Variants in SLC22A13 observed in about 807,000 individuals in gnomAD.
The protein encoded by SLC22A13 is solute carrier family 22 member 13.
SLC22A13 carries 42 observed loss-of-function variants against 49.1 expected under a neutral mutation model. That is an observed-to-expected ratio of 0.85 (90% CI 0.67 to 1.11). SLC22A13 has a LOEUF of 1.11. Among genes scored for constraint, SLC22A13 ranks in the 50% least tolerant of loss-of-function variants. The pLI is 0.00. For synonymous variants in SLC22A13, 282 were observed against 293.1 expected, an observed-to-expected ratio of 0.96 and a Z score of 0.39; for missense variants, 694 against 712.8, an observed-to-expected ratio of 0.97 and a Z score of 0.30.
rs1330106449 is a variant in SLC22A13 at position 38,278,697 on chromosome 3, G to A, written c.*1232G>A. ...TAGCCCTATATGGTGGTGCATGCCT[G>A]TAATCCCAGCTACTTGGGAGGCTGA... On this transcript the variant is annotated 3_prime_UTR_variant, in exon 10 of 10. Transcript: ENST00000311856. Among the ~76,000 whole-genome samples, 1 of 151,872 alleles carries A rather than the reference G, an allele frequency of 6.6e-6. No homozygotes were observed. Among genetic ancestry groups the A allele is most frequent in the Non-Finnish European group, 1.5e-5 (1 of 67,976 alleles).
Position 38,275,494 on chromosome 3 carries a change from C to T in SLC22A13, c.927+4C>T. 1 of 1,614,238 alleles carries T rather than the reference C, an allele frequency of 6.2e-7. No individual in the cohort carries two copies. On this transcript the variant is annotated splice_donor_region_variant and intron_variant, in intron 5 of 9. Transcript: ENST00000311856. ...CTCCCCGGAGCTCATGAACCAGGTA[C>T]TTCCAGCAGGCCCAGGCCCAGGCCC...
Position 38,277,201 on chromosome 3 carries a change from C to T in SLC22A13, c.1562+74C>T, listed in dbSNP as rs927963473. The T allele has an allele frequency of 5.8e-6, 7 of 1,210,456 alleles. No homozygotes were observed. The African/African-American group carries it at 7.5e-5, about 13-fold the overall frequency. The allele number at this position is 1,210,456 out of a possible 1,614,324, so 75.0% of individuals were successfully genotyped here. A position where few individuals can be genotyped will look rare whatever the true frequency, so the allele number is the denominator to read the frequency against. On this transcript the variant is annotated intron_variant, in intron 9 of 9. Coordinates refer to ENST00000311856, the MANE Select transcript of SLC22A13 (RefSeq NM_004256.4). ...CACGCACTCTATATGCCCAGGCCTC[C>T]ACCTCATCACTCGTCCACTGTTGCC...
At chr3:38,271,619 C>T (rs1288484343) in intron 1 of SLC22A13, among the ~76,000 whole-genome samples, 1 of 149,168 alleles carries the variant, frequency 6.7e-6, no homozygotes, top group Non-Finnish European at 1.5e-5. Flanking sequence ...GGAAGACCAT[C>T]AATGAATAGC....
At chr3:38,273,336 T>C (rs1703542000) in intron 1 of SLC22A13, among the ~76,000 whole-genome samples, 1 of 152,218 alleles carries the variant, frequency 6.6e-6, no homozygotes, top group African/African-American at 2.4e-5. Flanking sequence ...ATTAGCATTC[T>C]CTGTGTCTCT....
rs1703577132 is a variant in SLC22A13 at position 38,275,916 on chromosome 3, C to T, written c.1057C>T (p.Leu353Phe). ...VDSLGYYGLS[L>F]QVGDFGLDVY... ...CAGTCTGGGGTACTACGGCCTGAGC[C>T]TCCAAGTGGGGGACTTCGGCCTGGA... The change falls in exon 7 of 10, where the codon CTC becomes TTC. Residue 353 changes from leucine (L) to phenylalanine (F), a missense_variant. By Grantham distance (22) the Leu-to-Phe change is conservative (BLOSUM62 0). Coordinates refer to ENST00000311856, the MANE Select transcript of SLC22A13 (RefSeq NM_004256.4). 6.2e-7 allele frequency: 1 copy of T among 1,614,110 alleles called. No individual in the cohort carries two copies. The highest frequency in any genetic ancestry group is 1.3e-5 in the African/African-American group (1 of 74,934).
At chr3:38,275,346 G>A (rs956663539) in intron 4 of SLC22A13, 24 bp from the exon 5 acceptor site, 5 of 1,613,898 alleles carry the variant, frequency 3.1e-6, no homozygotes, top group Admixed American at 1.7e-5. Context: ...AGGCCCCAAG[G>A]TCATAGCCGT....
At chr3:38,276,504 G>A (rs958542452) in intron 8 of SLC22A13, 109 bp downstream of exon 8, 2 of 778,882 alleles carry the variant, frequency 2.6e-6, no homozygotes, top group African/African-American at 3.4e-5. Context: ...CTGGCTCTGG[G>A]GCAGCAGTGC....
In SLC22A13 at chr3:38,275,226, C is replaced by T. The variant is rs897678644; in HGVS notation, c.806+69C>T. The stretch of plus-strand genomic sequence containing the variant: ...GTGTTGTGGTGGGGTTGCAGTGCAG[C>T]ACCCATGTTCATAGGACAGTCAGAG... On this transcript the variant is annotated intron_variant, in intron 4 of 9. Transcript: ENST00000311856. 15 of 1,593,592 alleles carry T rather than the reference C, an allele frequency of 9.4e-6. No homozygotes were observed. The African/African-American group carries it at 1.6e-4, about 17-fold the overall frequency.
In SLC22A13 at chr3:38,275,488, C is replaced by G. The variant is rs756738214; in HGVS notation, c.925C>G (p.Gln309Glu). Residue 309 changes from glutamine (Q) to glutamate (E), a missense_variant and splice_region_variant, in exon 5 of 10, where the codon CAG becomes GAG. By Grantham distance (29) the Gln-to-Glu change is conservative. Coordinates refer to ENST00000311856, the MANE Select transcript of SLC22A13 (RefSeq NM_004256.4). ...GAAACTCTCCCCGGAGCTCATGAAC[C>G]AGGTACTTCCAGCAGGCCCAGGCCC... The part of the protein sequence containing the change: ...RRKLSPELMN[Q>E]LVPEKTGPSG... 161 of 1,614,114 alleles carry G rather than the reference C, an allele frequency of 1.0e-4. No homozygotes were observed. The highest frequency in any genetic ancestry group is 1.3e-4 in the Non-Finnish European group (152 of 1,180,036).
At position 38,274,736 on chromosome 3, in the gene SLC22A13, TA is replaced by T. The variant is rs1448449887; in HGVS notation, c.616del (p.Ser206AlafsTer8). On this transcript the variant is annotated frameshift_variant, in exon 3 of 10. Transcript: ENST00000311856. LOFTEE classifies it high-confidence loss of function. ...FAVATAVAGL[S>X]FSNVTLLTEW... Reference sequence around the variant, plus strand: ...CTGTGGCTACTGCCGTCGCTGGACTTAGCTTCAGCAATGTCACCCTACGTGA... The same window carrying T: ...CTGTGGCTACTGCCGTCGCTGGACTTGCTTCAGCAATGTCACCCTACGTGA... 1.2e-6 allele frequency: 2 copies of T among 1,613,958 alleles called. No individual in the cohort carries two copies. The highest frequency in any genetic ancestry group is 2.7e-5 in the African/African-American group (2 of 74,938).
intron 2 of SLC22A13, 49 bp from the exon 3 acceptor site, chr3:38,274,555 G>C (rs1361085502): frequency 6.3e-7 from 1 of 1,594,888 alleles, no homozygotes; most frequent in East Asian, 2.2e-5. Flanking sequence ...CTTCTCCTCA[G>C]ATGCCTTCCG....
At chr3:38,277,330 C>A in intron 9 of SLC22A13, 42 bp from the exon 10 acceptor site, 2 of 1,477,582 alleles carry the variant, frequency 1.4e-6, no homozygotes, top group Non-Finnish European at 1.9e-6. Flanking sequence ...TGTCATGGGA[C>A]CAATTCCTGG....
At chr3:38,275,704 A>T (rs748512677) in intron 6 of SLC22A13, 32 bp downstream of exon 6, 1 of 1,600,354 alleles carries the variant, frequency 6.2e-7, no homozygotes, top group Non-Finnish European at 8.5e-7. Context: ...ACAGAACCAC[A>T]GGGCTGCAGC....
chr3:38,266,166 C>G lies in SLC22A13; in HGVS notation c.306C>G (p.Arg102=). 2 of 1,614,234 alleles carry G rather than the reference C, an allele frequency of 1.2e-6. No individual in the cohort carries two copies. The highest frequency in any genetic ancestry group is 1.7e-6 in the Non-Finnish European group (2 of 1,180,046). The change falls in exon 1 of 10, where the codon CGC becomes CGG. Residue 102 remains arginine, a synonymous_variant. Coordinates refer to ENST00000311856, the MANE Select transcript of SLC22A13 (RefSeq NM_004256.4). ...GCCTGCAGGACATCCTCAGCCACCG[C>G]TTCAATGAGACGCAGCCTTGTGATA... is the stretch of plus-strand genomic sequence containing the variant. ...NASLQDILSH[R]FNETQPCDMG...
intron 8 of SLC22A13, among the ~76,000 whole-genome samples, chr3:38,276,621 G>A (rs2125864422): frequency 6.6e-6 from 1 of 152,328 alleles, no homozygotes; most frequent in African/African-American, 2.4e-5. Context: ...GTCAGGACAG[G>A]AATATGGGAC....
chr3:38,269,644 C>T (rs981319807), intron 1 of SLC22A13, among the ~76,000 whole-genome samples: 4 of 152,196 alleles, frequency 2.6e-5, no homozygotes, highest in Admixed American at 2.6e-4. Flanking sequence ...GAGAGATGTT[C>T]ACAGCAGCAC....
intron 3 of SLC22A13, 27 bp from the exon 4 acceptor site, chr3:38,274,962 C>A (rs201360450): frequency 3.1e-6 from 5 of 1,610,448 alleles, no homozygotes; most frequent in Non-Finnish European, 4.2e-6. Context: ...AGGGATTAGC[C>A]CTGTCTCAAC....
rs73825505 is a variant in SLC22A13 at position 38,274,589 on chromosome 3, G to A, written c.483-15G>A. ...CGGGAGGGACCCTCCCCACAGACCT[G>A]CCCTGTTTCCTCAGGATTGGCCGCA... On this transcript the variant is annotated splice_polypyrimidine_tract_variant and intron_variant, in intron 2 of 9. Coordinates refer to ENST00000311856, the MANE Select transcript of SLC22A13 (RefSeq NM_004256.4). 1.7e-5 allele frequency: 27 copies of A among 1,612,010 alleles called. No individual in the cohort carries two copies. The Middle Eastern group carries it at 6.6e-4, about 39-fold the overall frequency.
chr3:38,265,922 T>C lies in SLC22A13; in HGVS notation c.62T>C (p.Leu21Pro). 1 of 1,613,970 alleles carries C rather than the reference T, an allele frequency of 6.2e-7. No individual in the cohort carries two copies. The highest frequency in any genetic ancestry group is 8.5e-7 in the Non-Finnish European group (1 of 1,179,808). The change falls in exon 1 of 10, where the codon CTA becomes CCA. Residue 21 changes from leucine to proline, a missense_variant. By Grantham distance (98) the Leu-to-Pro change is moderately conservative. Transcript: ENST00000311856. ...GACTTTGGTCGCTTCCAGATACAGC[T>C]ATTGATCCTGCTGTGTGTTCTCAAC... ...IGDFGRFQIQ[L>P]LILLCVLNFL...
Sources: gnomAD v4.1 joint callset for allele counts (sites outside exome capture counted in the v4.1 genomes callset) on GRCh38, gnomAD v4.1.1 for gene constraint, MANE v1.5 for transcripts, NCBI Gene and HGNC (gene_info 2026-07-23, HGNC 2026-07-21) for gene names.